ACOX3: variants seen among roughly 807,000 people sequenced by gnomAD.
ACOX3 encodes the protein acyl-CoA oxidase 3, pristanoyl.
In ACOX3, 73 loss-of-function variants were observed where a neutral mutation model predicts 81.5. The observed-to-expected ratio is 0.90, with a 90% CI of 0.74 to 1.09. The LOEUF (loss-of-function observed/expected upper bound fraction) is 1.09, where lower values mean the gene tolerates loss of function less well. Ranked by LOEUF, ACOX3 falls within the 50% of genes least tolerant of loss-of-function variation. The pLI is 0.00. For synonymous variants in ACOX3, 387 were observed against 375.1 expected, an observed-to-expected ratio of 1.03 and a Z score of -0.37; for missense variants, 947 against 928.0, an observed-to-expected ratio of 1.02 and a Z score of -0.27.
Position 8,389,623 on chromosome 4 carries a change from T to C in ACOX3, c.1412A>G (p.His471Arg), listed in dbSNP as rs1346760770. ...CAGCAGAGCCTCACCGTGGACCTGG[T>C]GTGCCAGGAGACCCAGCAAATAGTT... ...TSNYLLGLLA[H>R]QVHDGACFRS... Residue 471 changes from histidine to arginine, a missense_variant, in exon 12 of 18, where the codon CAC becomes CGC. Transcript: ENST00000356406. This position sits in a 1 kb window ranked among gnomAD's most constrained non-coding sequence, Gnocchi z 5.3. 2 of 1,613,816 alleles carry C rather than the reference T, an allele frequency of 1.2e-6. No individual in the cohort carries two copies. Among genetic ancestry groups the C allele is most frequent in the African/African-American group, 2.7e-5 (2 of 74,926 alleles).
chr4:8,397,084 G>C lies in ACOX3; in HGVS notation c.909C>G (p.Ser303Arg), dbSNP rs1160715226. 2 of 1,594,420 alleles carry C rather than the reference G, an allele frequency of 1.3e-6. No individual in the cohort carries two copies. The highest frequency in any genetic ancestry group is 2.3e-5 in the East Asian group (1 of 43,840). The part of the protein sequence containing the change: ...VRQRFGASLG[S>R]LSSGRVSIVS... ...CGATGGAGACCCGGCCCGAGGACAG[G>C]CTCCCCAGGGACGCTCCAAAGCGCT... The change falls in exon 9 of 18, where the codon AGC (serine) becomes AGG (arginine). Residue 303 changes from serine (S) to arginine (R), a missense_variant. By Grantham distance (110) the Ser-to-Arg change is moderately radical. Transcript: ENST00000356406.
Position 8,394,711 on chromosome 4 carries a change from A to C in ACOX3, c.1088T>G (p.Val363Gly). 6.2e-7 allele frequency: 1 copy of C among 1,613,810 alleles called. No individual in the cohort carries two copies. Among genetic ancestry groups the C allele is most frequent in the Non-Finnish European group, 8.5e-7 (1 of 1,179,920 alleles). Residue 363 changes from valine to glycine, a missense_variant, in exon 10 of 18, where the codon GTC becomes GGC. Transcript: ENST00000356406. This position sits in a 1 kb window ranked among gnomAD's most constrained non-coding sequence, Gnocchi z 5.9. ...QWRLLPYLAA[V>G]YALDHFSKSL... is the part of the protein sequence containing the mutation. The stretch of plus-strand genomic sequence containing the variant: ...CTTGGAGAAATGGTCTAAGGCGTAG[A>C]CAGCTGCCAGATATGGAAGCAAGCG...
At chr4:8,426,299 C>A (rs1723475541) in intron 1 of ACOX3, among the ~76,000 whole-genome samples, 1 of 152,030 alleles carries the variant, frequency 6.6e-6, no homozygotes, top group Admixed American at 6.6e-5. Flanking sequence ...CTGGGAAGGA[C>A]CCTACCCAGT....
rs1250341248 is a variant in ACOX3 at position 8,437,351 on chromosome 4, T to C, written c.-15+3297A>G. On this transcript the variant is annotated intron_variant, in intron 1 of 17. Coordinates refer to ENST00000356406, the MANE Select transcript of ACOX3 (RefSeq NM_003501.3). The surrounding 1 kb of genome is among the most constrained non-coding windows in gnomAD (Gnocchi z 5.2). ...AATTCCTCTCCCCGGCTCAGCTCTA[T>C]CTAGAAAAAAAGAGGAGGCTAGAGA... 1.3e-5 allele frequency among the ~76,000 whole-genome samples: 2 copies of C among 151,816 alleles called. No individual in the cohort carries two copies. Among genetic ancestry groups the C allele is most frequent in the African/African-American group, 4.8e-5 (2 of 41,412 alleles).
chr4:8,411,054 GC>G (rs1721664413), intron 5 of ACOX3, among the ~76,000 whole-genome samples: 1 of 152,234 alleles, frequency 6.6e-6, no homozygotes, highest in Non-Finnish European at 1.5e-5. Flanking sequence ...CTGGGGCTGG[GC>G]CTGCCCCAGG....
At chr4:8,429,910 TAA>T (rs879433941) in intron 1 of ACOX3, among the ~76,000 whole-genome samples, 5 of 143,950 alleles carry the variant, frequency 3.5e-5, no homozygotes, top group African/African-American at 1.0e-4. Context: ...GACTCTGCAT[TAA>T]AAAAAAAAAA....
chr4:8,374,927 C>T (rs374414224), intron 15 of ACOX3, 51 bp downstream of exon 15: 10 of 1,454,016 alleles, frequency 6.9e-6, no homozygotes, highest in East Asian at 5.0e-5. Context: ...AGATACAACA[C>T]GGGGGCCCTG....
chr4:8,366,766 C>A lies in ACOX3; in HGVS notation c.*195G>T, dbSNP rs1352879609. The A allele has an allele frequency of 5.1e-6, 3 of 592,792 alleles. No homozygotes were observed. The highest frequency in any genetic ancestry group is 8.5e-6 in the Non-Finnish European group (3 of 353,226). The allele number at this position is 592,792 out of a possible 1,614,324, so 36.7% of individuals were successfully genotyped here. A position where few individuals can be genotyped will look rare whatever the true frequency, so the allele number is the denominator to read the frequency against. On this transcript the variant is annotated 3_prime_UTR_variant, in exon 18 of 18. Coordinates refer to ENST00000356406, the MANE Select transcript of ACOX3 (RefSeq NM_003501.3). ...TTCCACGCTGCAAATCACCGCGATC[C>A]CAGATTAGTCCAGCCGGCCGGGTGC...
intron 1 of ACOX3, among the ~76,000 whole-genome samples, chr4:8,417,194 T>C (rs1722431639): frequency 6.6e-6 from 1 of 152,252 alleles, no homozygotes; most frequent in South Asian, 2.1e-4. Context: ...GTGGCTTGGC[T>C]GATGAAGGCA....
intron 5 of ACOX3, among the ~76,000 whole-genome samples, chr4:8,411,550 C>G (rs940659371): frequency 3.3e-5 from 5 of 152,210 alleles, no homozygotes; most frequent in African/African-American, 9.6e-5. Flanking sequence ...TTCTTCAGCA[C>G]GCGGCAGTTC....
Position 8,392,394 on chromosome 4 carries a change from C to T in ACOX3, c.1239G>A (p.Trp413Ter). The T allele has an allele frequency of 1.2e-6, 2 of 1,609,494 alleles. No homozygotes were observed. The highest frequency in any genetic ancestry group is 2.2e-5 in the East Asian group (1 of 44,484). Residue 413 changes from tryptophan to a stop codon, truncating the protein, a stop_gained, in exon 11 of 18, where the codon TGG becomes TGA. Transcript: ENST00000356406. LOFTEE classifies it high-confidence loss of function. Reference sequence around the variant, plus strand: ...ATTCCTGAATTCCTTGCTGGGTGGTCCACGAGGCCAGGGGCTTGCTGGCCG... The same window carrying T: ...ATTCCTGAATTCCTTGCTGGGTGGTTCACGAGGCCAGGGGCTTGCTGGCCG... ...LASASKPLAS[W>*]TTQQGIQECR...
At chr4:8,379,441 C>A (rs115136976) in intron 14 of ACOX3, among the ~76,000 whole-genome samples, 32 of 152,358 alleles carry the variant, frequency 2.1e-4, no homozygotes, top group African/African-American at 7.2e-4. Flanking sequence ...CTGTGGGTGT[C>A]TGTCAGCTCC....
intron 9 of ACOX3, among the ~76,000 whole-genome samples, chr4:8,396,541 G>A (rs1719707646): frequency 2.0e-5 from 3 of 152,228 alleles, no homozygotes; most frequent in Non-Finnish European, 2.9e-5. Context: ...GCCGGGCATG[G>A]TGGTGCATGC....
chr4:8,393,893 C>T (rs1360430859), intron 10 of ACOX3, among the ~76,000 whole-genome samples: 3 of 152,206 alleles, frequency 2.0e-5, no homozygotes, highest in Admixed American at 1.3e-4. Flanking sequence ...AGAAGCGCTC[C>T]CTCCTCAGGC....
At position 8,367,098 on chromosome 4, in the gene ACOX3, A is replaced by G. The variant is rs1439280785; in HGVS notation, c.1984-18T>C. 6.2e-7 allele frequency: 1 copy of G among 1,610,302 alleles called. No individual in the cohort carries two copies. The highest frequency in any genetic ancestry group is 2.2e-5 in the East Asian group (1 of 44,796). ...TTGTAGAGCTGCAAACAACACGTAC[A>G]CAGCAAGTGAAGACAAAGAAATAAG... On this transcript the variant is annotated intron_variant, in intron 17 of 17. Transcript: ENST00000356406.
Position 8,414,609 on chromosome 4 carries a change from G to A in ACOX3, c.454-228C>T, listed in dbSNP as rs1050458756. 5.9e-5 allele frequency among the ~76,000 whole-genome samples: 9 copies of A among 152,170 alleles called. No individual in the cohort carries two copies. The highest frequency in any genetic ancestry group is 4.1e-4 in the South Asian group (2 of 4,824). Reference sequence around the variant, plus strand: ...CTGCTCCACGTCAGCAAGGTGGCAGGAACTGCTCATCAGGAAAAGACAGTG... The same window carrying A: ...CTGCTCCACGTCAGCAAGGTGGCAGAAACTGCTCATCAGGAAAAGACAGTG... On this transcript the variant is annotated intron_variant, in intron 4 of 17. Transcript: ENST00000356406. This position sits in a 1 kb window ranked among gnomAD's most constrained non-coding sequence, Gnocchi z 6.1.
Position 8,431,457 on chromosome 4 carries a change from C to T in ACOX3, c.-15+9191G>A, listed in dbSNP as rs150020116. The stretch of plus-strand genomic sequence containing the variant: ...GCTGACCTGCATCTGACAGGGAACA[C>T]GGGCCTCTCTGTGAGTCAGGGTGGT... On this transcript the variant is annotated intron_variant, in intron 1 of 17. Coordinates refer to ENST00000356406, the MANE Select transcript of ACOX3 (RefSeq NM_003501.3). The surrounding 1 kb of genome is among the most constrained non-coding windows in gnomAD (Gnocchi z 5.3). Among the ~76,000 whole-genome samples, 65 of 152,300 alleles carry T rather than the reference C, an allele frequency of 4.3e-4. No homozygotes were observed. The highest frequency in any genetic ancestry group is 1.5e-3 in the African/African-American group (62 of 41,550).
chr4:8,423,734 C>A lies in ACOX3; in HGVS notation c.-14-7199G>T, dbSNP rs1272144228. Among the ~76,000 whole-genome samples, 1 of 152,146 alleles carries A rather than the reference C, an allele frequency of 6.6e-6. No individual in the cohort carries two copies. Among genetic ancestry groups the A allele is most frequent in the East Asian group, 1.9e-4 (1 of 5,192 alleles). ...TTTACAGTCCTGGACCTTAAGGATGCCTTTTACTGCATCCCTGTACATCCT... is the reference window on the plus strand; with the variant it reads ...TTTACAGTCCTGGACCTTAAGGATGACTTTTACTGCATCCCTGTACATCCT... On this transcript the variant is annotated intron_variant, in intron 1 of 17. Coordinates refer to ENST00000356406, the MANE Select transcript of ACOX3 (RefSeq NM_003501.3). The surrounding 1 kb of genome is among the most constrained non-coding windows in gnomAD (Gnocchi z 4.2).
At chr4:8,438,160 C>A (rs1221717038) in intron 1 of ACOX3, among the ~76,000 whole-genome samples, 1 of 152,196 alleles carries the variant, frequency 6.6e-6, no homozygotes, top group Non-Finnish European at 1.5e-5. Flanking sequence ...TTAAAGTTTT[C>A]CCCACCAGGA....
Sources: allele counts gnomAD v4.1 joint callset (sites outside exome capture counted in the v4.1 genomes callset), GRCh38; gene constraint gnomAD v4.1.1; non-coding constraint Gnocchi (gnomAD v3.1); transcripts MANE v1.5; gene names NCBI Gene and HGNC (gene_info 2026-07-23, HGNC 2026-07-21).